Variants in DYNC2I1 observed in about 807,000 individuals in gnomAD.
DYNC2I1 encodes the protein dynein 2 intermediate chain 1, also known as cytoplasmic dynein 2 intermediate chain 1.
Under a neutral mutation model 133.4 loss-of-function variants are expected in DYNC2I1, and 89 were observed. The ratio of observed to expected loss-of-function variants is 0.67; its 90% CI spans 0.56 to 0.80. The LOEUF is 0.80. Among genes scored for constraint, DYNC2I1 ranks in the 30% least tolerant of loss-of-function variants. The pLI is 0.00. For missense variants in DYNC2I1, 1,291 were observed against 1,314.5 expected, an observed-to-expected ratio of 0.98 and a Z score of 0.28; for synonymous variants, 504 against 484.3, an observed-to-expected ratio of 1.04 and a Z score of -0.54.
downstream of DYNC2I1, among the ~76,000 whole-genome samples, chr7:158,947,878 GT>G (rs1046629039): frequency 7.2e-4 from 109 of 152,254 alleles, no homozygotes; most frequent in African/African-American, 2.5e-3. Flanking sequence ...CCTGTGGCTG[GT>G]TGGCCTGTGC....
intron 15 of DYNC2I1, among the ~76,000 whole-genome samples, chr7:158,920,246 A>G (rs1240868588): frequency 6.6e-6 from 1 of 150,426 alleles, no homozygotes; most frequent in Non-Finnish European, 1.5e-5. Context: ...CCATCAGGGA[A>G]CACATGAAGT....
At chr7:158,948,547 C>T (rs548367312), downstream of DYNC2I1, among the ~76,000 whole-genome samples, 3 of 150,298 alleles carry the variant, frequency 2.0e-5, no homozygotes, top group South Asian at 2.1e-4. Flanking sequence ...TCACAGTCAT[C>T]GCCCCCGGGT....
upstream of DYNC2I1, among the ~76,000 whole-genome samples, chr7:158,851,650 G>A (rs1046108974): frequency 2.6e-5 from 4 of 152,152 alleles, no homozygotes; most frequent in South Asian, 4.1e-4. Flanking sequence ...AGACTAAAAC[G>A]TATTTTCCAC....
At chr7:158,923,198 GA>G (rs1326836504) in intron 16 of DYNC2I1, among the ~76,000 whole-genome samples, 7 of 152,224 alleles carry the variant, frequency 4.6e-5, no homozygotes, top group Admixed American at 6.5e-5. Context: ...AGAATAACTT[GA>G]AATTGTAACT....
At chr7:158,914,470 A>C (rs1301212176) in intron 14 of DYNC2I1, 149 bp downstream of exon 14, 12 of 667,462 alleles carry the variant, frequency 1.8e-5, no homozygotes, top group Non-Finnish European at 2.9e-5. Context: ...ATTTTCTTAC[A>C]AATTATCAGT....
intron 8 of DYNC2I1, among the ~76,000 whole-genome samples, chr7:158,900,730 T>G (rs1846156429): frequency 7.9e-6 from 1 of 127,314 alleles, no homozygotes; most frequent in African/African-American, 3.4e-5. Flanking sequence ...TATTTTGTTC[T>G]GTTTTTTTTT....
At chr7:158,856,843 G>T (rs936706452) in intron 1 of DYNC2I1, 93 bp downstream of exon 1, 3 of 1,207,990 alleles carry the variant, frequency 2.5e-6, no homozygotes, top group Non-Finnish European at 3.1e-6. Context: ...CTCCCTTTGC[G>T]CAGCGGTTCT....
chr7:158,936,863 T>C (rs1221962904), intron 23 of DYNC2I1, among the ~76,000 whole-genome samples: 1 of 152,110 alleles, frequency 6.6e-6, no homozygotes, highest in Non-Finnish European at 1.5e-5. Flanking sequence ...CACCTATAGC[T>C]GAAAAGGAGG....
intron 17 of DYNC2I1, among the ~76,000 whole-genome samples, chr7:158,924,559 ACTT>A (rs976729341): frequency 2.0e-5 from 3 of 152,032 alleles, no homozygotes; most frequent in Non-Finnish European, 4.4e-5. Context: ...CAATACTACT[ACTT>A]ACTGTTAAGG....
intron 8 of DYNC2I1, among the ~76,000 whole-genome samples, chr7:158,893,811 TATC>T (rs1845473565): frequency 2.6e-5 from 4 of 152,182 alleles, no homozygotes; most frequent in South Asian, 4.1e-4. Context: ...TCACACCGCA[TATC>T]ATACCGTATA....
intron 5 of DYNC2I1, among the ~76,000 whole-genome samples, chr7:158,881,057 T>C (rs116277468): frequency 0.012 from 1,895 of 152,298 alleles, 41 homozygotes; most frequent in African/African-American, 0.043. Flanking sequence ...ACTGCAGTGT[T>C]TACTGTAAAA....
At chr7:158,923,094 G>A (rs1849257124) in intron 16 of DYNC2I1, among the ~76,000 whole-genome samples, 1 of 152,204 alleles carries the variant, frequency 6.6e-6, no homozygotes, top group South Asian at 2.1e-4. Flanking sequence ...GGTCAGGGCT[G>A]CCTCTCTTAT....
intron 1 of DYNC2I1, among the ~76,000 whole-genome samples, chr7:158,868,985 T>TG (rs1842650293): frequency 6.6e-6 from 1 of 152,204 alleles, no homozygotes; most frequent in African/African-American, 2.4e-5. Context: ...GGCTGTGGTG[T>TG]GAGACAACAG....
chr7:158,934,038 ATGTAT>A (rs1202956527), intron 21 of DYNC2I1, 86 bp from the exon 22 acceptor site: 1 of 863,492 alleles, frequency 1.2e-6, no homozygotes, highest in East Asian at 2.6e-5. Flanking sequence ...TTATACATCG[ATGTAT>A]TGTAGTGCAA....
At chr7:158,928,456 C>T (rs754513577) in intron 20 of DYNC2I1, among the ~76,000 whole-genome samples, 1 of 152,194 alleles carries the variant, frequency 6.6e-6, no homozygotes, top group Non-Finnish European at 1.5e-5. Context: ...GCCCTTGGAG[C>T]AAATGCTCTG....
chr7:158,952,327 C>T (rs1022531678), intron 4 of DYNC2I1, among the ~76,000 whole-genome samples: 79 of 152,140 alleles, frequency 5.2e-4, no homozygotes, highest in African/African-American at 1.8e-3. Context: ...GTGTGTCCCA[C>T]GCAAGCTAAG....
At chr7:158,956,690 C>T (rs1486804164) in exon 5 of DYNC2I1, 1 of 152,310 alleles carries the variant, frequency 6.6e-6, no homozygotes, top group Non-Finnish European at 1.5e-5. Flanking sequence ...CCAGGCAAGT[C>T]GCCGACTGCT....
chr7:158,911,584 T>G lies in DYNC2I1; in HGVS notation c.1495T>G (p.Leu499Val), dbSNP rs1298441623. 1 of 1,613,802 alleles carries G rather than the reference T, an allele frequency of 6.2e-7. No homozygotes were observed. Among genetic ancestry groups the G allele is most frequent in the Non-Finnish European group, 8.5e-7 (1 of 1,179,828 alleles). ...RSTKLLRLIDLDFSFTFSLLD... is the reference protein window; with the variant it reads ...RSTKLLRLIDVDFSFTFSLLD... ...TACAAAACTGCTTCGGCTCATTGAC[T>G]TAGATTTTTCATTTACTTTCTCTCT... Residue 499 changes from leucine to valine, a missense_variant, in exon 12 of 25, where the codon TTA becomes GTA. Leu to Val is a conservative substitution (Grantham distance 32, BLOSUM62 1). Coordinates refer to ENST00000407559, the MANE Select transcript of DYNC2I1 (RefSeq NM_018051.5).
intron 14 of DYNC2I1, among the ~76,000 whole-genome samples, chr7:158,917,127 G>A (rs542004343): frequency 3.7e-5 from 5 of 133,480 alleles, no homozygotes; most frequent in African/African-American, 8.9e-5. Flanking sequence ...GTGAAACCTC[G>A]ACACGCTGGT....
Sources: allele counts gnomAD v4.1 joint callset (sites outside exome capture counted in the v4.1 genomes callset), GRCh38; gene constraint gnomAD v4.1.1; transcripts MANE v1.5; gene names NCBI Gene and HGNC (gene_info 2026-07-23, HGNC 2026-07-21).